RAI1: variants seen among roughly 807,000 people sequenced by gnomAD.
The protein encoded by RAI1 is retinoic acid induced 1.
RAI1 carries 9 observed loss-of-function variants against 123.8 expected under a neutral mutation model. The ratio of observed to expected loss-of-function variants is 0.07; its 90% CI spans 0.04 to 0.13. The LOEUF (loss-of-function observed/expected upper bound fraction) is 0.13, where lower values mean the gene tolerates loss of function less well. Ranked by LOEUF, RAI1 falls within the 10% of genes least tolerant of loss-of-function variation. The pLI is 1.00. For synonymous variants in RAI1, 1,231 were observed against 1,127.3 expected (o/e 1.09, Z -1.84); for missense variants, 2,256 against 2,545.8 (o/e 0.89, Z 2.45).
Position 17,809,490 on chromosome 17 carries a change from G to A in RAI1, c.5709+51G>A, listed in dbSNP as rs368300544. ...GCGAGGGGTGTCAAGCGGGAGAGGA[G>A]CCCCACCTCGCACCTCCTTCACAGT... On this transcript the variant is annotated intron_variant, in intron 5 of 5. Transcript: ENST00000353383. The surrounding 1 kb of genome is among the most constrained non-coding windows in gnomAD (Gnocchi z 4.9). 109 of 1,520,220 alleles carry A rather than the reference G, an allele frequency of 7.2e-5. No individual in the cohort carries two copies. Among genetic ancestry groups the A allele is most frequent in the Non-Finnish European group, 9.2e-5 (101 of 1,096,656 alleles). 94.2% of individuals were successfully genotyped at this position (1,520,220 alleles called of 1,614,324 possible). A position where few individuals can be genotyped will look rare whatever the true frequency, so the allele number is the denominator to read the frequency against.
intron 1 of RAI1, among the ~76,000 whole-genome samples, chr17:17,696,465 A>G (rs757938189): frequency 2.0e-4 from 31 of 152,156 alleles, no homozygotes; most frequent in Non-Finnish European, 4.4e-4. Context: ...GTATGCCATC[A>G]TTACTTCTGT....
Position 17,809,499 on chromosome 17 carries a change from C to G in RAI1, c.5709+60C>G. 6.7e-7 allele frequency: 1 copy of G among 1,502,380 alleles called. No homozygotes were observed. The highest frequency in any genetic ancestry group is 9.3e-7 in the Non-Finnish European group (1 of 1,080,742). The allele number at this position is 1,502,380 out of a possible 1,614,324, so 93.1% of individuals were successfully genotyped here. ...GTCAAGCGGGAGAGGAGCCCCACCT[C>G]GCACCTCCTTCACAGTCCCCTGGGC... On this transcript the variant is annotated intron_variant, in intron 5 of 5. Transcript: ENST00000353383. The surrounding 1 kb of genome is among the most constrained non-coding windows in gnomAD (Gnocchi z 4.9).
At chr17:17,716,516 G>T (rs773794816) in intron 1 of RAI1, among the ~76,000 whole-genome samples, 20 of 152,228 alleles carry the variant, frequency 1.3e-4, no homozygotes, top group Non-Finnish European at 1.9e-4. Context: ...CCAGCCTGAG[G>T]GGGGGACAGG....
chr17:17,733,466 A>G (rs990487911), intron 2 of RAI1, among the ~76,000 whole-genome samples: 5 of 152,162 alleles, frequency 3.3e-5, no homozygotes, highest in African/African-American at 9.7e-5. Context: ...TGCTTGTTCT[A>G]TAAGATGATT....
At chr17:17,738,581 A>G (rs1916515530) in intron 2 of RAI1, among the ~76,000 whole-genome samples, 1 of 152,194 alleles carries the variant, frequency 6.6e-6, no homozygotes, top group South Asian at 2.1e-4. Context: ...GGGAGAAGCC[A>G]TGGGCTTGAA....
intron 2 of RAI1, among the ~76,000 whole-genome samples, chr17:17,767,964 C>T (rs928571413): frequency 6.6e-6 from 1 of 152,192 alleles, no homozygotes; most frequent in Non-Finnish European, 1.5e-5. Context: ...ATGACTTTGC[C>T]TCTCTGAACC....
chr17:17,747,523 C>A (rs1290624488), intron 2 of RAI1, among the ~76,000 whole-genome samples: 1 of 152,206 alleles, frequency 6.6e-6, no homozygotes, highest in South Asian at 2.1e-4. Context: ...GGCAGCCCAT[C>A]CTGGGCTGAG....
chr17:17,790,626 A>G (rs2031978946), intron 2 of RAI1, among the ~76,000 whole-genome samples: 1 of 152,242 alleles, frequency 6.6e-6, no homozygotes, highest in Admixed American at 6.5e-5. Flanking sequence ...GTGAAAAAAA[A>G]TAAAAAATAA....
intron 2 of RAI1, among the ~76,000 whole-genome samples, chr17:17,744,080 C>G (rs1164175659): frequency 6.6e-6 from 1 of 152,238 alleles, no homozygotes; most frequent in Non-Finnish European, 1.5e-5. Flanking sequence ...ACCTGAGTGA[C>G]TGTGTGAATG....
rs748976048 is a variant in RAI1, at chr17:17,803,745, C to T, written c.5566-11C>T. ...CTGGAGACTCACCTGCCTTTCCTTT[C>T]TCTTCATCAGATGTGTTCCAGCTGC... is the stretch of plus-strand genomic sequence containing the variant. On this transcript the variant is annotated splice_polypyrimidine_tract_variant and intron_variant, in intron 3 of 5. Transcript: ENST00000353383. 2.5e-6 allele frequency: 4 copies of T among 1,611,880 alleles called. No individual in the cohort carries two copies. Among genetic ancestry groups the T allele is most frequent in the Non-Finnish European group, 3.4e-6 (4 of 1,178,550 alleles).
rs945317402 is a variant in RAI1, at chr17:17,801,047, C to A, written c.5565+2534C>A. On this transcript the variant is annotated intron_variant, in intron 3 of 5. Coordinates refer to ENST00000353383, the MANE Select transcript of RAI1 (RefSeq NM_030665.4). This position sits in a 1 kb window ranked among gnomAD's most constrained non-coding sequence, Gnocchi z 4.1. ...TCCCTGGCCCCAGCACTGCCACACC[C>A]CTCGGTACCTTGACCTCACTTTTGC... is the stretch of plus-strand genomic sequence containing the variant. 6.6e-6 allele frequency among the ~76,000 whole-genome samples: 1 copy of A among 152,206 alleles called. No individual in the cohort carries two copies. The highest frequency in any genetic ancestry group is 1.5e-5 in the Non-Finnish European group (1 of 68,028).
At position 17,800,908 on chromosome 17, in the gene RAI1, G is replaced by A. The variant is rs2032440275; in HGVS notation, c.5565+2395G>A. On this transcript the variant is annotated intron_variant, in intron 3 of 5. Transcript: ENST00000353383. This position sits in a 1 kb window ranked among gnomAD's most constrained non-coding sequence, Gnocchi z 4.7. ...GGGCTGGTTCCATAGCTCCAGGCGAGTCACGCATGCTCTGAGAACTCCACA... is the reference window on the plus strand; with the variant it reads ...GGGCTGGTTCCATAGCTCCAGGCGAATCACGCATGCTCTGAGAACTCCACA... Among the ~76,000 whole-genome samples, 1 of 152,218 alleles carries A rather than the reference G, an allele frequency of 6.6e-6. No homozygotes were observed. The highest frequency in any genetic ancestry group is 2.4e-5 in the African/African-American group (1 of 41,448).
rs1454630925 is a variant in RAI1, at chr17:17,787,136, G to A, written c.-16-5797G>A. Among the ~76,000 whole-genome samples, 3 of 152,348 alleles carry A rather than the reference G, an allele frequency of 2.0e-5. No individual in the cohort carries two copies. The South Asian group carries it at 6.2e-4, about 32-fold the overall frequency. ...TCCTACAAGGGCAGGCACTCCTGGG[G>A]CTTGGGGTGGGGAGAATGGAGCTGG... On this transcript the variant is annotated intron_variant, in intron 2 of 5. Coordinates refer to ENST00000353383, the MANE Select transcript of RAI1 (RefSeq NM_030665.4).
chr17:17,725,616 G>A (rs757543809), intron 2 of RAI1, among the ~76,000 whole-genome samples: 3 of 152,212 alleles, frequency 2.0e-5, no homozygotes, highest in Non-Finnish European at 2.9e-5. Context: ...TGCAGAGGAA[G>A]GGGAGAGGTG....
intron 2 of RAI1, among the ~76,000 whole-genome samples, chr17:17,761,465 G>A (rs2030693904): frequency 6.6e-6 from 1 of 152,194 alleles, no homozygotes; most frequent in Admixed American, 6.5e-5. Flanking sequence ...CTCGCTGGGA[G>A]GCTGACAGCT....
chr17:17,767,601 C>A (rs2030988153), intron 2 of RAI1, among the ~76,000 whole-genome samples: 1 of 152,156 alleles, frequency 6.6e-6, no homozygotes, highest in Admixed American at 6.5e-5. Context: ...GAGCATTTGG[C>A]AGGTCAGAAA....
rs955696742 is a variant in RAI1 at position 17,809,855 on chromosome 17, G to A, written c.5710-115G>A. On this transcript the variant is annotated intron_variant, in intron 5 of 5. Transcript: ENST00000353383. The surrounding 1 kb of genome is among the most constrained non-coding windows in gnomAD (Gnocchi z 4.9). ...ACGGCCTCGGGCGGAGACCCCAGCC[G>A]CGCTCTGGGGTCGCCTGGGTCTGGG... 2.8e-6 allele frequency: 4 copies of A among 1,447,248 alleles called. No homozygotes were observed. Among genetic ancestry groups the A allele is most frequent in the Non-Finnish European group, 2.8e-6 (3 of 1,057,840 alleles). The allele number at this position is 1,447,248 out of a possible 1,614,324, so 89.7% of individuals were successfully genotyped here. A position where few individuals can be genotyped will look rare whatever the true frequency, so the allele number is the denominator to read the frequency against.
intron 2 of RAI1, among the ~76,000 whole-genome samples, chr17:17,730,229 C>T (rs1182314009): frequency 6.6e-6 from 1 of 152,244 alleles, no homozygotes; most frequent in African/African-American, 2.4e-5. Flanking sequence ...TCCTGCCCTT[C>T]CCAGGGCCTG....
chr17:17,741,373 G>A (rs1234794182), intron 2 of RAI1, among the ~76,000 whole-genome samples: 1 of 152,324 alleles, frequency 6.6e-6, no homozygotes, highest in Middle Eastern at 3.4e-3. Context: ...CTGAGCAGGG[G>A]GACCCTCCCT....
Sources: gnomAD v4.1 joint callset for allele counts (sites outside exome capture counted in the v4.1 genomes callset) on GRCh38, gnomAD v4.1.1 for gene constraint, Gnocchi (gnomAD v3.1) non-coding constraint, MANE v1.5 for transcripts, NCBI Gene and HGNC (gene_info 2026-07-23, HGNC 2026-07-21) for gene names.